Variants in TMEM242 observed in about 807,000 individuals in gnomAD.
TMEM242 encodes the protein UPF0463 transmembrane protein C6orf35.
TMEM242 carries 10 observed loss-of-function variants against 18.2 expected under a neutral mutation model. That is an observed-to-expected ratio of 0.55 (90% CI 0.34 to 0.93). TMEM242 has a LOEUF of 0.93. TMEM242 is among the 40% of genes least tolerant of loss of function. The pLI is 0.02. For synonymous variants in TMEM242, 57 were observed against 69.9 expected (o/e 0.81, Z 0.92); for missense variants, 186 against 175.5 (o/e 1.06, Z -0.34).
chr6:157,306,249 T>C (rs1249213135), intron 3 of TMEM242, among the ~76,000 whole-genome samples: 1 of 152,130 alleles, frequency 6.6e-6, no homozygotes, highest in African/African-American at 2.4e-5. Flanking sequence ...GCCAGAGTGC[T>C]CTGGCAGAAG....
intron 3 of TMEM242, among the ~76,000 whole-genome samples, chr6:157,309,091 T>TC (rs1280945913): frequency 9.2e-5 from 14 of 152,308 alleles, no homozygotes; most frequent in South Asian, 8.3e-4. Context: ...ATTGATATAC[T>TC]CTGCTGTGCA....
At chr6:157,316,717 A>G (rs1188156548) in intron 3 of TMEM242, among the ~76,000 whole-genome samples, 4 of 152,098 alleles carry the variant, frequency 2.6e-5, no homozygotes, top group African/African-American at 9.7e-5. Context: ...TCTACAAAAA[A>G]TAAAAAAAAT....
Position 157,322,800 on chromosome 6 carries a change from T to A in TMEM242, c.94A>T (p.Ile32Phe). ...GCTGCAGCAACGGTACCAAGGAAAA[T>A]TCCACCTGCCAAGAGTTTCGGGGAG... ...NDRLFLVKGGIFLGTVAAAGM... is the reference protein window; with the variant it reads ...NDRLFLVKGGFFLGTVAAAGM... Residue 32 changes from isoleucine to phenylalanine, a missense_variant, in exon 2 of 4, where the codon ATT (isoleucine) becomes TTT (phenylalanine). Ile to Phe is a conservative substitution (Grantham distance 21). Transcript: ENST00000400788. The A allele has an allele frequency of 6.2e-7, 1 of 1,613,150 alleles. No homozygotes were observed. Among genetic ancestry groups the A allele is most frequent in the Non-Finnish European group, 8.5e-7 (1 of 1,179,724 alleles).
At chr6:157,297,918 T>C (rs1554247260) in intron 3 of TMEM242, among the ~76,000 whole-genome samples, 1 of 152,252 alleles carries the variant, frequency 6.6e-6, no homozygotes, top group African/African-American at 2.4e-5. Flanking sequence ...CAGACAAACA[T>C]TTTTACTTTC....
intron 3 of TMEM242, among the ~76,000 whole-genome samples, chr6:157,293,262 G>A (rs907072539): frequency 2.0e-5 from 3 of 152,084 alleles, no homozygotes; most frequent in African/African-American, 7.2e-5. Context: ...CACACCTGTA[G>A]TCCTAGCTAC....
At chr6:157,315,673 A>C (rs1270194801) in intron 3 of TMEM242, among the ~76,000 whole-genome samples, 1 of 152,238 alleles carries the variant, frequency 6.6e-6, no homozygotes, top group African/African-American at 2.4e-5. Context: ...TCTTATATTC[A>C]GTAGTGCCAA....
At chr6:157,311,315 T>A (rs1554248724) in intron 3 of TMEM242, among the ~76,000 whole-genome samples, 2 of 150,082 alleles carry the variant, frequency 1.3e-5, no homozygotes, top group Non-Finnish European at 3.0e-5. Flanking sequence ...TGTCCCAGTG[T>A]GTGTTCACCT....
chr6:157,320,392 C>A (rs1259570897), intron 2 of TMEM242, among the ~76,000 whole-genome samples: 1 of 152,060 alleles, frequency 6.6e-6, no homozygotes, highest in Non-Finnish European at 1.5e-5. Flanking sequence ...TTAATATAAG[C>A]CTATTTTTTA....
At chr6:157,319,400 C>T (rs1258160337) in intron 2 of TMEM242, among the ~76,000 whole-genome samples, 1 of 152,052 alleles carries the variant, frequency 6.6e-6, no homozygotes, top group Non-Finnish European at 1.5e-5. Context: ...TTTAGTCTAC[C>T]GATTATGAGA....
intron 3 of TMEM242, among the ~76,000 whole-genome samples, chr6:157,308,509 T>A (rs1296451322): frequency 6.6e-6 from 1 of 152,214 alleles, no homozygotes; most frequent in Admixed American, 6.5e-5. Context: ...TCTCTTGTAA[T>A]AGGAAAGCAC....
chr6:157,299,808 C>T, intron 3 of TMEM242: 1 of 1,608,402 alleles, frequency 6.2e-7, no homozygotes, highest in Non-Finnish European at 8.5e-7. Context: ...AAAGGGCTGC[C>T]ATGTTGAAGA....
At chr6:157,317,589 T>A (rs587613991) in intron 3 of TMEM242, among the ~76,000 whole-genome samples, 3 of 152,162 alleles carry the variant, frequency 2.0e-5, no homozygotes, top group South Asian at 4.2e-4. Flanking sequence ...TACTGATGAG[T>A]CTCAAATTCA....
At chr6:157,313,125 C>T (rs200949508) in intron 3 of TMEM242, among the ~76,000 whole-genome samples, 1 of 112,818 alleles carries the variant, frequency 8.9e-6, no homozygotes. Context: ...CTCACCCGGC[C>T]TCATCATAGT....
rs782749101 is a variant in TMEM242 at position 157,322,690 on chromosome 6, T to A, written c.189+15A>T. On this transcript the variant is annotated intron_variant, in intron 2 of 3. Transcript: ENST00000400788. The stretch of plus-strand genomic sequence containing the variant: ...AACAATAACAATGCTATGAATGGAT[T>A]TCAGTGTCACCAACCTTATTGAACC... 1 of 1,600,640 alleles carries A rather than the reference T, an allele frequency of 6.2e-7. No homozygotes were observed. The highest frequency in any genetic ancestry group is 8.5e-7 in the Non-Finnish European group (1 of 1,172,750).
chr6:157,313,062 C>G (rs1554249593), intron 3 of TMEM242, among the ~76,000 whole-genome samples: 2 of 141,360 alleles, frequency 1.4e-5, no homozygotes, highest in East Asian at 2.0e-4. Context: ...CTGGCCTCAT[C>G]ATAGGGTCCC....
At chr6:157,313,060 A>C (rs1778238552) in intron 3 of TMEM242, among the ~76,000 whole-genome samples, 2 of 151,838 alleles carry the variant, frequency 1.3e-5, no homozygotes, top group South Asian at 4.1e-4. Flanking sequence ...ACCTGGCCTC[A>C]TCATAGGGTC....
chr6:157,300,144 A>C (rs1470820897), intron 3 of TMEM242: 3 of 584,814 alleles, frequency 5.1e-6, no homozygotes, highest in Non-Finnish European at 9.3e-6. Flanking sequence ...CACTCAAGAA[A>C]TGGAGGGAGA....
intron 3 of TMEM242, among the ~76,000 whole-genome samples, chr6:157,294,838 T>C (rs1777731319): frequency 6.6e-6 from 1 of 152,232 alleles, no homozygotes. Flanking sequence ...CAGCATGGAC[T>C]CTGTTCAGAT....
At chr6:157,312,621 A>T (rs1778204037) in intron 3 of TMEM242, among the ~76,000 whole-genome samples, 7 of 151,084 alleles carry the variant, frequency 4.6e-5, no homozygotes, top group South Asian at 2.1e-4. Flanking sequence ...TAGCCTCACC[A>T]TAGTGTCGCA....
Sources: gnomAD v4.1 joint callset for allele counts (sites outside exome capture counted in the v4.1 genomes callset) on GRCh38, gnomAD v4.1.1 for gene constraint, MANE v1.5 for transcripts, NCBI Gene and HGNC (gene_info 2026-07-23, HGNC 2026-07-21) for gene names.